Variants in PPM1L observed in about 807,000 individuals in gnomAD.
PPM1L encodes protein phosphatase, Mg2+/Mn2+ dependent 1L, also known as protein phosphatase 1L.
Under a neutral mutation model 31.4 loss-of-function variants are expected in PPM1L, and 13 were observed. The ratio of observed to expected loss-of-function variants is 0.41; its 90% CI spans 0.27 to 0.66. The LOEUF is 0.66. Among genes scored for constraint, PPM1L ranks in the 30% least tolerant of loss-of-function variants. PPM1L has a pLI of 0.29. For missense variants in PPM1L, 326 were observed against 453.7 expected (o/e 0.72, Z 2.56); for synonymous variants, 184 against 175.4 (o/e 1.05, Z -0.39).
chr3:160,787,145 G>C (rs1052437987), intron 1 of PPM1L, among the ~76,000 whole-genome samples: 2 of 152,084 alleles, frequency 1.3e-5, no homozygotes, highest in African/African-American at 4.8e-5. Context: ...GGGTCGAATG[G>C]GAGTACTATG....
At chr3:161,052,903 C>A (rs1290736235) in intron 2 of PPM1L, among the ~76,000 whole-genome samples, 1 of 152,292 alleles carries the variant, frequency 6.6e-6, no homozygotes, top group South Asian at 2.1e-4. Context: ...CTCTGCCTTT[C>A]TCCTCTCTGC....
intron 1 of PPM1L, among the ~76,000 whole-genome samples, chr3:160,818,903 TA>T (rs1490235258): frequency 1.3e-5 from 2 of 151,960 alleles, no homozygotes; most frequent in Non-Finnish European, 2.9e-5. Flanking sequence ...TTTATTTATT[TA>T]TTTTTTTACT....
intron 2 of PPM1L, among the ~76,000 whole-genome samples, chr3:160,983,893 A>C (rs1428501673): frequency 2.6e-5 from 4 of 152,150 alleles, no homozygotes; most frequent in African/African-American, 4.8e-5. Flanking sequence ...AGTGATTTTC[A>C]AAAGGGGAGG....
At chr3:160,811,536 GCTCTTTACAGAAAAAGTTTCCCAA>G (rs1712805069) in intron 1 of PPM1L, among the ~76,000 whole-genome samples, 1 of 152,194 alleles carries the variant, frequency 6.6e-6, no homozygotes, top group African/African-American at 2.4e-5. Flanking sequence ...TCTCTATCTG[GCTCTTTACAGAAAAAGTTTCCCAA>G]CTCCTGTTTT....
chr3:160,949,942 T>G (rs531563023), intron 1 of PPM1L, among the ~76,000 whole-genome samples: 104 of 152,290 alleles, frequency 6.8e-4, no homozygotes, highest in Non-Finnish European at 1.3e-3. Context: ...GTTCTTTATT[T>G]ACCCATATGT....
chr3:160,975,063 A>C (rs1245293274), intron 2 of PPM1L, among the ~76,000 whole-genome samples: 3 of 151,398 alleles, frequency 2.0e-5, no homozygotes, highest in Non-Finnish European at 4.4e-5. Flanking sequence ...GGTGTAAGGA[A>C]GGGATCCAGT....
At chr3:160,875,372 C>T (rs1027911777) in intron 1 of PPM1L, among the ~76,000 whole-genome samples, 1 of 152,148 alleles carries the variant, frequency 6.6e-6, no homozygotes, top group Non-Finnish European at 1.5e-5. Context: ...GTTTAAAATA[C>T]TAGTTTTCTG....
chr3:160,852,407 T>C (rs9869116), intron 1 of PPM1L, among the ~76,000 whole-genome samples: 3 of 151,678 alleles, frequency 2.0e-5, no homozygotes, highest in Non-Finnish European at 4.4e-5. Context: ...ATGTTAATGT[T>C]TGACAGAGAT....
At chr3:161,046,110 C>CAAAAAAAAAAAA (rs58794623) in intron 2 of PPM1L, among the ~76,000 whole-genome samples, 7 of 50,302 alleles carry the variant, frequency 1.4e-4, no homozygotes, top group Admixed American at 3.4e-4. Context: ...GACTCTGTCT[C>CAAAAAAAAAAAA]AAAAAAAAAA....
At chr3:160,856,070 A>G (rs886771392) in intron 1 of PPM1L, among the ~76,000 whole-genome samples, 2 of 151,924 alleles carry the variant, frequency 1.3e-5, no homozygotes, top group Non-Finnish European at 2.9e-5. Flanking sequence ...AGCATGAGAG[A>G]AAGATGTAGG....
intron 2 of PPM1L, among the ~76,000 whole-genome samples, chr3:160,962,286 A>AT (rs202008709): frequency 0.032 from 4,811 of 151,210 alleles, 140 homozygotes; most frequent in Non-Finnish European, 0.042. Flanking sequence ...CTAAAGAGGT[A>AT]TTTTTTTTTC....
intron 1 of PPM1L, chr3:160,842,250 T>C (rs1713906027): frequency 2.8e-6 from 2 of 702,408 alleles, no homozygotes; most frequent in Non-Finnish European, 5.2e-6. Flanking sequence ...GCTGGTGCCA[T>C]TAGCAGAGAG....
chr3:161,029,524 A>G (rs915808461), intron 2 of PPM1L, among the ~76,000 whole-genome samples: 43 of 152,222 alleles, frequency 2.8e-4, no homozygotes, highest in African/African-American at 9.9e-4. Flanking sequence ...TGTAGGCAGG[A>G]TATTTTTTAT....
intron 1 of PPM1L, among the ~76,000 whole-genome samples, chr3:160,955,954 G>A (rs13079358): frequency 0.92 from 140,261 of 152,284 alleles, 64,732 homozygotes; most frequent in Middle Eastern, 0.97. Context: ...ACGCTGGGCC[G>A]AGTTTTCTTT....
At chr3:161,024,989 C>T (rs1718337245) in intron 2 of PPM1L, among the ~76,000 whole-genome samples, 2 of 152,214 alleles carry the variant, frequency 1.3e-5, no homozygotes, top group South Asian at 4.1e-4. Flanking sequence ...CTTAAATAAG[C>T]ATGCCTTAGT....
At chr3:160,773,284 A>G (rs1392961347) in intron 1 of PPM1L, among the ~76,000 whole-genome samples, 3 of 152,180 alleles carry the variant, frequency 2.0e-5, no homozygotes, top group African/African-American at 7.2e-5. Context: ...ATTTTAGAAG[A>G]TGTCCCTCTT....
At chr3:160,988,120 G>A (rs1035049822) in intron 2 of PPM1L, among the ~76,000 whole-genome samples, 1 of 152,212 alleles carries the variant, frequency 6.6e-6, no homozygotes, top group Non-Finnish European at 1.5e-5. Context: ...CTGGGCAAGA[G>A]AGGAGGAATA....
At chr3:160,811,133 G>C (rs1712791571) in intron 1 of PPM1L, among the ~76,000 whole-genome samples, 1 of 152,184 alleles carries the variant, frequency 6.6e-6, no homozygotes. Context: ...TGGAAATAGT[G>C]GAAACAAATG....
At chr3:160,944,089 T>C (rs996242455) in intron 1 of PPM1L, among the ~76,000 whole-genome samples, 6 of 152,068 alleles carry the variant, frequency 3.9e-5, no homozygotes, top group Non-Finnish European at 8.8e-5. Context: ...GACATAAAGA[T>C]AGGACACTGT....
Sources: gnomAD v4.1 joint callset for allele counts (sites outside exome capture counted in the v4.1 genomes callset) on GRCh38, gnomAD v4.1.1 for gene constraint, MANE v1.5 for transcripts, NCBI Gene and HGNC (gene_info 2026-07-23, HGNC 2026-07-21) for gene names.